Variants in RNF17 observed in about 807,000 individuals in gnomAD.
RNF17 encodes ring finger protein 17.
A neutral mutation model predicts 200.5 loss-of-function variants in RNF17; 31 were observed. The ratio of observed to expected loss-of-function variants is 0.15; its 90% CI spans 0.12 to 0.21. RNF17 has a LOEUF of 0.21. RNF17 is among the 10% of genes least tolerant of loss of function. RNF17 has a pLI of 1.00. For missense variants in RNF17, 1,628 were observed against 1,905.1 expected, an observed-to-expected ratio of 0.85 and a Z score of 2.71; for synonymous variants, 606 against 637.8, an observed-to-expected ratio of 0.95 and a Z score of 0.75.
intron 29 of RNF17, among the ~76,000 whole-genome samples, chr13:24,865,533 TA>T (rs1191067925): frequency 6.6e-6 from 1 of 152,230 alleles, no homozygotes; most frequent in Non-Finnish European, 1.5e-5. Flanking sequence ...CAAGCTGCTA[TA>T]AATCTTTTAT....
chr13:24,757,328 T>C, the RNF17 span, among the ~76,000 whole-genome samples: 1 of 151,864 alleles, frequency 6.6e-6, no homozygotes, highest in Non-Finnish European at 1.5e-5. Context: ...ATTCTTTTTT[T>C]TTTTTTTTTC....
chr13:24,870,962 C>T (rs1172848014), intron 32 of RNF17, among the ~76,000 whole-genome samples: 1 of 152,206 alleles, frequency 6.6e-6, no homozygotes, highest in Non-Finnish European at 1.5e-5. Flanking sequence ...CCTTGGAGAA[C>T]ACTTTCACGT....
chr13:24,764,888 GGTGTGTGTGTGTGTGT>G (rs57755622), intron 1 of RNF17, among the ~76,000 whole-genome samples: 1 of 134,092 alleles, frequency 7.5e-6, no homozygotes, highest in African/African-American at 2.8e-5. Flanking sequence ...CACCTTGTGG[GGTGTGTGTGTGTGTGT>G]GTGTGTGTGT....
intron 6 of RNF17, among the ~76,000 whole-genome samples, chr13:24,787,469 A>G (rs1883263972): frequency 6.6e-6 from 1 of 152,080 alleles, no homozygotes; most frequent in African/African-American, 2.4e-5. Flanking sequence ...CTGGCTCTTG[A>G]TGTAACAGTC....
intron 28 of RNF17, 97 bp from the exon 29 acceptor site, chr13:24,864,776 C>T (rs1566245423): frequency 1.1e-5 from 10 of 902,270 alleles, no homozygotes; most frequent in African/African-American, 1.7e-5. Context: ...CTAGTTAATA[C>T]TATGATTGTC....
chr13:24,789,647 A>G (rs1329097926), intron 8 of RNF17, 51 bp from the exon 9 acceptor site: 7 of 1,201,650 alleles, frequency 5.8e-6, no homozygotes, highest in Non-Finnish European at 8.6e-6. Context: ...TCTAGAGAAC[A>G]TGATACATTT....
chr13:24,881,093 C>T (rs1421984656), downstream of RNF17, among the ~76,000 whole-genome samples: 4 of 151,902 alleles, frequency 2.6e-5, no homozygotes, highest in Non-Finnish European at 5.9e-5. Flanking sequence ...TAATTTGGGG[C>T]TTGCCTTTCC....
intron 15 of RNF17, among the ~76,000 whole-genome samples, chr13:24,812,081 A>G (rs1366788287): frequency 6.6e-6 from 1 of 150,468 alleles, no homozygotes; most frequent in Non-Finnish European, 1.5e-5. Context: ...TGCAGAGGTT[A>G]CTGCTGTCTT....
At chr13:24,852,604 A>G (rs147967070) in intron 24 of RNF17, among the ~76,000 whole-genome samples, 2 of 152,318 alleles carry the variant, frequency 1.3e-5, no homozygotes, top group East Asian at 3.9e-4. Flanking sequence ...AAATGGAAAG[A>G]GAATTAGAAG....
intron 16 of RNF17, among the ~76,000 whole-genome samples, chr13:24,829,407 A>G (rs759873532): frequency 2.6e-5 from 4 of 152,206 alleles, no homozygotes; most frequent in Non-Finnish European, 5.9e-5. Context: ...TTAAAACTAC[A>G]TTTCCATTCA....
At chr13:24,842,854 G>C (rs3759460) in intron 19 of RNF17, among the ~76,000 whole-genome samples, 1 of 151,772 alleles carries the variant, frequency 6.6e-6, no homozygotes, top group Non-Finnish European at 1.5e-5. Flanking sequence ...GCGTGGTGGC[G>C]TGCGTGCCTA....
chr13:24,791,614 T>A (rs1443647352), intron 9 of RNF17, among the ~76,000 whole-genome samples: 1 of 152,142 alleles, frequency 6.6e-6, no homozygotes, highest in Non-Finnish European at 1.5e-5. Context: ...GAGAAATAAG[T>A]TCTTTCATTG....
At position 24,793,274 on chromosome 13, in the gene RNF17, A is replaced by G. The variant is rs1402886808; in HGVS notation, c.1168A>G (p.Ile390Val). Residue 390 changes from isoleucine (I) to valine (V), a missense_variant, in exon 10 of 36, where the codon ATT becomes GTT. Coordinates refer to ENST00000255324, the MANE Select transcript of RNF17 (RefSeq NM_031277.3). ...CGTTGCAACAGCATCCCCTAAAACC[A>G]TTGCTGTGTTACCTCAGATGGGATC... ...KDVATASPKTIAVLPQMGSSP... is the reference protein window; with the variant it reads ...KDVATASPKTVAVLPQMGSSP... The G allele has an allele frequency of 1.9e-6, 3 of 1,613,868 alleles. No individual in the cohort carries two copies. The highest frequency in any genetic ancestry group is 1.7e-6 in the Non-Finnish European group (2 of 1,179,894).
At chr13:24,883,163 T>G, downstream of RNF17, 1 of 1,608,818 alleles carries the variant, frequency 6.2e-7, no homozygotes, top group Non-Finnish European at 8.5e-7. Flanking sequence ...TACTTCATGA[T>G]CACATGAGGA....
the RNF17 span, among the ~76,000 whole-genome samples, chr13:24,887,605 C>G: frequency 1.3e-5 from 2 of 152,196 alleles, no homozygotes; most frequent in African/African-American, 2.4e-5. Flanking sequence ...GGAAAACAAG[C>G]TCAGGGCTCC....
At chr13:24,801,013 C>T (rs968402234) in intron 13 of RNF17, among the ~76,000 whole-genome samples, 1 of 152,160 alleles carries the variant, frequency 6.6e-6, no homozygotes, top group African/African-American at 2.4e-5. Flanking sequence ...TCTATGAGAG[C>T]AGAGGAGTCT....
intron 32 of RNF17, among the ~76,000 whole-genome samples, chr13:24,873,345 G>A (rs1894499782): frequency 6.6e-6 from 1 of 152,134 alleles, no homozygotes; most frequent in Admixed American, 6.6e-5. Context: ...AAAAAGAGAA[G>A]CCAACATAAG....
At chr13:24,809,646 T>G (rs1886349092) in intron 15 of RNF17, among the ~76,000 whole-genome samples, 1 of 152,164 alleles carries the variant, frequency 6.6e-6, no homozygotes, top group Admixed American at 6.5e-5. Context: ...TTCCTTCAGT[T>G]CTGCTCTGAT....
intron 19 of RNF17, among the ~76,000 whole-genome samples, chr13:24,843,156 G>C (rs1268450847): frequency 6.6e-6 from 1 of 152,156 alleles, no homozygotes; most frequent in Non-Finnish European, 1.5e-5. Context: ...GGAGGAGCTA[G>C]AATCAGGAGC....
Sources: allele counts gnomAD v4.1 joint callset (sites outside exome capture counted in the v4.1 genomes callset), GRCh38; gene constraint gnomAD v4.1.1; transcripts MANE v1.5; gene names NCBI Gene and HGNC (gene_info 2026-07-23, HGNC 2026-07-21).